The following SDK1 variants were observed in gnomAD, a reference collection of about 807,000 sequenced individuals.
SDK1 encodes sidekick cell adhesion molecule 1, also known as protein sidekick-1.
SDK1 carries 157 observed loss-of-function variants against 245.5 expected under a neutral mutation model. The ratio of observed to expected loss-of-function variants is 0.64; its 90% CI spans 0.56 to 0.73. The LOEUF is 0.73. Ranked by LOEUF, SDK1 falls within the 30% of genes least tolerant of loss-of-function variation. SDK1 has a pLI of 0.00. For missense variants in SDK1, 3,583 were observed against 3,002.3 expected, an observed-to-expected ratio of 1.19 and a Z score of -4.52; for synonymous variants, 1,647 against 1,278.5, an observed-to-expected ratio of 1.29 and a Z score of -6.15.
rs535493870 is a variant in SDK1, at chr7:3,322,116, C to G, written c.298+20232C>G. On this transcript the variant is annotated intron_variant, in intron 1 of 44. Transcript: ENST00000404826. ...CCAGAGTGCTGTGTGATCACCACCT[C>G]TAGTTCCGGGACAGTTTCATCCCCC... Among the ~76,000 whole-genome samples the G allele has an allele frequency of 4.6e-5, 7 of 151,762 alleles. No individual in the cohort carries two copies. The South Asian group carries it at 8.4e-4, about 18-fold the overall frequency.
At chr7:3,884,089 T>C (rs540740857) in intron 5 of SDK1, among the ~76,000 whole-genome samples, 2 of 102,194 alleles carry the variant, frequency 2.0e-5, no homozygotes, top group South Asian at 7.1e-4. Context: ...TTTTGTTTTT[T>C]TTTTTTTTTG....
intron 5 of SDK1, among the ~76,000 whole-genome samples, chr7:3,834,807 T>C (rs1184122275): frequency 6.6e-6 from 1 of 152,148 alleles, no homozygotes; most frequent in African/African-American, 2.4e-5. Context: ...GCTCAGTAAA[T>C]ACTTGTCCAG....
intron 5 of SDK1, among the ~76,000 whole-genome samples, chr7:3,892,906 T>A (rs1781497359): frequency 6.6e-6 from 1 of 152,118 alleles, no homozygotes; most frequent in Admixed American, 6.5e-5. Context: ...GAATCGTGGG[T>A]TGCTTTCGAG....
chr7:4,266,997 G>C lies in SDK1; in HGVS notation c.*1613G>C, dbSNP rs972956708. 7.1e-6 allele frequency: 7 copies of C among 985,458 alleles called. No individual in the cohort carries two copies. The highest frequency in any genetic ancestry group is 1.7e-5 in the African/African-American group (1 of 57,246). The allele number at this position is 985,458 out of a possible 1,614,324, so 61.0% of individuals were successfully genotyped here. ...GCCACATGCAGAAAGTGTGGCCCCT[G>C]CTTACCTAGATGTTTTGTGCACCTC... On this transcript the variant is annotated 3_prime_UTR_variant, in exon 45 of 45. Transcript: ENST00000404826.
chr7:4,057,827 ACTACAC>A (rs1478361995), intron 19 of SDK1, among the ~76,000 whole-genome samples: 1 of 152,032 alleles, frequency 6.6e-6, no homozygotes, highest in Admixed American at 6.5e-5. Context: ...TTATATGGAG[ACTACAC>A]TACTGCTTCA....
intron 1 of SDK1, among the ~76,000 whole-genome samples, chr7:3,478,784 T>C (rs1380096461): frequency 6.6e-6 from 1 of 152,206 alleles, no homozygotes; most frequent in Non-Finnish European, 1.5e-5. Context: ...ATTTGATGCT[T>C]AGCTTGTTTA....
At chr7:3,836,487 T>C (rs1270965153) in intron 5 of SDK1, among the ~76,000 whole-genome samples, 1 of 152,174 alleles carries the variant, frequency 6.6e-6, no homozygotes, top group Middle Eastern at 3.2e-3. Context: ...GATATCATGA[T>C]TGAGGCAGAC....
At chr7:3,863,368 G>C (rs1780743761) in intron 5 of SDK1, among the ~76,000 whole-genome samples, 1 of 152,138 alleles carries the variant, frequency 6.6e-6, no homozygotes, top group Non-Finnish European at 1.5e-5. Flanking sequence ...GCCCTTTTGA[G>C]ATTGGCACCC....
At chr7:3,942,432 C>A (rs868797062) in intron 5 of SDK1, among the ~76,000 whole-genome samples, 1 of 152,228 alleles carries the variant, frequency 6.6e-6, no homozygotes, top group Middle Eastern at 3.4e-3. Context: ...AACCAGTTGG[C>A]AAAATTCTAA....
intron 1 of SDK1, among the ~76,000 whole-genome samples, chr7:3,340,762 G>A (rs1780326023): frequency 3.2e-5 from 3 of 93,066 alleles, no homozygotes; most frequent in South Asian, 3.1e-4. Flanking sequence ...GCAAGACCCC[G>A]TCTCAAAAAA....
chr7:3,439,289 C>T (rs929821117), intron 1 of SDK1, among the ~76,000 whole-genome samples: 8 of 152,094 alleles, frequency 5.3e-5, no homozygotes, highest in African/African-American at 1.2e-4. Flanking sequence ...TCATCTAAAA[C>T]GTGTGTCGCT....
At chr7:3,802,580 C>A (rs1044488367) in intron 4 of SDK1, among the ~76,000 whole-genome samples, 2 of 151,982 alleles carry the variant, frequency 1.3e-5, no homozygotes, top group Non-Finnish European at 2.9e-5. Context: ...CCACAGACAT[C>A]CATCCCCCTT....
chr7:3,860,880 G>C (rs922520570), intron 5 of SDK1, among the ~76,000 whole-genome samples: 2 of 152,096 alleles, frequency 1.3e-5, no homozygotes, highest in African/African-American at 4.8e-5. Flanking sequence ...AAAAAAACTT[G>C]ATCAGCCCAC....
At chr7:3,957,620 A>G (rs775083345) in intron 7 of SDK1, among the ~76,000 whole-genome samples, 31 of 152,328 alleles carry the variant, frequency 2.0e-4, no homozygotes, top group Non-Finnish European at 3.5e-4. Context: ...TCCCTGATGA[A>G]TACAGGTCAG....
chr7:3,985,613 G>A (rs1162627110), intron 13 of SDK1, among the ~76,000 whole-genome samples: 1 of 152,086 alleles, frequency 6.6e-6, no homozygotes, highest in African/African-American at 2.4e-5. Context: ...GTATAGTGAG[G>A]CCCTGTCTAT....
At chr7:3,581,619 C>T (rs1240368410) in intron 1 of SDK1, among the ~76,000 whole-genome samples, 2 of 152,146 alleles carry the variant, frequency 1.3e-5, no homozygotes, top group African/African-American at 4.8e-5. Flanking sequence ...ACAGAACTAC[C>T]ATTCAACCCA....
chr7:3,866,307 A>C (rs373588625), intron 5 of SDK1, among the ~76,000 whole-genome samples: 22 of 152,188 alleles, frequency 1.4e-4, no homozygotes, highest in East Asian at 9.6e-4. Flanking sequence ...TAGGACAAGG[A>C]GAACAAAGAT....
intron 4 of SDK1, among the ~76,000 whole-genome samples, chr7:3,719,991 GA>G (rs1785318214): frequency 6.7e-6 from 1 of 148,584 alleles, no homozygotes; most frequent in African/African-American, 2.5e-5. Context: ...AAAAAAAAAA[GA>G]AAGAAAAGGA....
intron 1 of SDK1, among the ~76,000 whole-genome samples, chr7:3,615,314 A>G (rs746690113): frequency 2.6e-5 from 4 of 151,644 alleles, no homozygotes; most frequent in Non-Finnish European, 5.9e-5. Context: ...GGGTAATAAG[A>G]GGAGATGATT....
Sources: allele counts gnomAD v4.1 joint callset (sites outside exome capture counted in the v4.1 genomes callset), GRCh38; gene constraint gnomAD v4.1.1; transcripts MANE v1.5; gene names NCBI Gene and HGNC (gene_info 2026-07-23, HGNC 2026-07-21).